MAP4K4: variants seen among roughly 807,000 people sequenced by gnomAD.
MAP4K4 encodes the protein mitogen-activated protein kinase kinase kinase kinase 4.
A neutral mutation model predicts 189.6 loss-of-function variants in MAP4K4; 38 were observed. The observed-to-expected ratio is 0.20, with a 90% CI of 0.15 to 0.26. MAP4K4 has a LOEUF of 0.26. Among genes scored for constraint, MAP4K4 ranks in the 10% least tolerant of loss-of-function variants. The pLI is 1.00. For missense variants in MAP4K4, 1,054 were observed against 1,726.9 expected (o/e 0.61, Z 6.91); for synonymous variants, 610 against 624.3 (o/e 0.98, Z 0.34).
Position 101,825,514 on chromosome 2 carries a change from A to G in MAP4K4, c.417+85A>G, listed in dbSNP as rs976263132. On this transcript the variant is annotated intron_variant, in intron 5 of 32. Coordinates refer to ENST00000324219, the Ensembl canonical transcript of MAP4K4. ...TTCCCAGCCCCAAGTACTTCTTTGCATTACTTATATCTATATAGATTATTC... is the reference window on the plus strand; with the variant it reads ...TTCCCAGCCCCAAGTACTTCTTTGCGTTACTTATATCTATATAGATTATTC... 6.5e-6 allele frequency: 5 copies of G among 768,572 alleles called. No homozygotes were observed. In the East Asian group the frequency reaches 8.2e-5, roughly 13 times the overall value. The allele number at this position is 768,572 out of a possible 1,614,324, so 47.6% of individuals were successfully genotyped here.
intron 20 of MAP4K4, chr2:101,867,695 T>C (rs1559260483): frequency 2.6e-6 from 1 of 391,622 alleles, no homozygotes; most frequent in Admixed American, 4.1e-5. Flanking sequence ...CCTTTACTTA[T>C]TCTTCGTGAG....
At chr2:101,876,684 C>G (rs904653512) in intron 26 of MAP4K4, among the ~76,000 whole-genome samples, 4 of 152,132 alleles carry the variant, frequency 2.6e-5, no homozygotes, top group African/African-American at 7.2e-5. Context: ...AGGAAATAAT[C>G]AGCATATAAC....
chr2:101,870,110 G>T, intron 22 of MAP4K4, 185 bp from the exon 23 acceptor site: 1 of 668,998 alleles, frequency 1.5e-6, no homozygotes, highest in Non-Finnish European at 2.5e-6. Flanking sequence ...TTTTTGCTCA[G>T]AAACAAATGG....
At chr2:101,834,347 C>A in intron 7 of MAP4K4, 62 bp from the exon 8 acceptor site, 1 of 1,240,534 alleles carries the variant, frequency 8.1e-7, no homozygotes, top group Non-Finnish European at 1.2e-6. Context: ...AATACCCAGA[C>A]ATGTAAGTTA....
intron 6 of MAP4K4, 35 bp from the exon 7 acceptor site, chr2:101,831,686 A>G (rs1391974599): frequency 1.3e-6 from 2 of 1,566,470 alleles, no homozygotes; most frequent in African/African-American, 2.7e-5. Flanking sequence ...AGTTGTGTTT[A>G]TCTTTCTTTA....
chr2:101,826,237 A>C (rs1215434792), intron 5 of MAP4K4, among the ~76,000 whole-genome samples: 1 of 152,186 alleles, frequency 6.6e-6, no homozygotes, highest in Admixed American at 6.5e-5. Context: ...ACTTAAAGTA[A>C]CTAATAAGTT....
chr2:101,811,482 A>G (rs2095426127), intron 3 of MAP4K4, among the ~76,000 whole-genome samples: 2 of 149,690 alleles, frequency 1.3e-5, no homozygotes, highest in African/African-American at 2.5e-5. Context: ...TGCTGGCTCT[A>G]CGGCTCTACC....
At chr2:101,709,431 C>T (rs1484402096) in intron 2 of MAP4K4, among the ~76,000 whole-genome samples, 2 of 152,156 alleles carry the variant, frequency 1.3e-5, no homozygotes, top group Admixed American at 6.5e-5. Context: ...TCGAACTCCT[C>T]ACCTCAGGTG....
chr2:101,815,282 C>T (rs1274842392), intron 3 of MAP4K4, among the ~76,000 whole-genome samples: 1 of 152,046 alleles, frequency 6.6e-6, no homozygotes, highest in Non-Finnish European at 1.5e-5. Context: ...TACTCTGCCA[C>T]TCTGGTTGAA....
chr2:101,724,539 A>C (rs564933333), intron 2 of MAP4K4, among the ~76,000 whole-genome samples: 1 of 152,306 alleles, frequency 6.6e-6, no homozygotes, highest in Admixed American at 6.5e-5. Context: ...TCCTGGTTCC[A>C]CTCAAAGGCT....
intron 12 of MAP4K4, 62 bp downstream of exon 12, chr2:101,844,373 T>G: frequency 1.5e-6 from 2 of 1,370,544 alleles, no homozygotes; most frequent in Non-Finnish European, 2.0e-6. Flanking sequence ...ACACTGGTAG[T>G]TAGCCACTCA....
At chr2:101,743,990 A>C (rs1328513004) in intron 2 of MAP4K4, among the ~76,000 whole-genome samples, 1 of 152,174 alleles carries the variant, frequency 6.6e-6, no homozygotes, top group Non-Finnish European at 1.5e-5. Flanking sequence ...AAATGTGATA[A>C]AGGTAGGACT....
At chr2:101,872,678 G>T (rs868697157) in intron 24 of MAP4K4, among the ~76,000 whole-genome samples, 29 of 152,160 alleles carry the variant, frequency 1.9e-4, no homozygotes, top group African/African-American at 6.0e-4. Context: ...ATGGGACAGG[G>T]AGGGAAGCTG....
intron 12 of MAP4K4, among the ~76,000 whole-genome samples, chr2:101,846,229 C>G (rs564566290): frequency 6.6e-6 from 1 of 152,178 alleles, no homozygotes. Context: ...GTTCTTTGAA[C>G]GTAATAAATC....
chr2:101,824,191 G>T, intron 4 of MAP4K4, 138 bp downstream of exon 4: 1 of 791,284 alleles, frequency 1.3e-6, no homozygotes, highest in South Asian at 2.3e-5. Context: ...AGGTTCTAAA[G>T]GCTTCCTTGG....
chr2:101,802,959 T>C (rs1161114817), intron 3 of MAP4K4, among the ~76,000 whole-genome samples: 1 of 152,162 alleles, frequency 6.6e-6, no homozygotes, highest in Non-Finnish European at 1.5e-5. Flanking sequence ...CTAATTTTTG[T>C]ATTTTTAGTA....
intron 32 of MAP4K4, among the ~76,000 whole-genome samples, 158 bp from the exon 33 acceptor site, chr2:101,891,008 G>T (rs2098557807): frequency 6.6e-6 from 1 of 152,170 alleles, no homozygotes; most frequent in South Asian, 2.1e-4. Context: ...ACAGGTGTGA[G>T]CCACTGCACC....
intron 3 of MAP4K4, among the ~76,000 whole-genome samples, chr2:101,792,588 TCTCCTCCTTCTCCTC>T (rs1370156153): frequency 6.8e-5 from 8 of 117,862 alleles, no homozygotes; most frequent in African/African-American, 2.7e-4. Context: ...ACTGCCACCT[TCTCCTCCTTCTCCTC>T]CTCCTCCTCC....
At chr2:101,842,758 C>A in intron 11 of MAP4K4, 77 bp downstream of exon 11, 1 of 1,075,050 alleles carries the variant, frequency 9.3e-7, no homozygotes, top group Non-Finnish European at 1.4e-6. Flanking sequence ...CTGCAGAAGA[C>A]TCCTGTGTGG....
Sources: gnomAD v4.1 joint callset for allele counts (sites outside exome capture counted in the v4.1 genomes callset) on GRCh38, gnomAD v4.1.1 for gene constraint, MANE v1.5 for transcripts, NCBI Gene and HGNC (gene_info 2026-07-23, HGNC 2026-07-21) for gene names.